The following PARD3B variants were observed in gnomAD, a reference collection of about 807,000 sequenced individuals.
PARD3B encodes partitioning defective 3 homolog B.
In PARD3B, 103 loss-of-function variants were observed where a neutral mutation model predicts 130.2. That is an observed-to-expected ratio of 0.79 (90% CI 0.67 to 0.93). The LOEUF is 0.93. Ranked by LOEUF, PARD3B falls within the 40% of genes least tolerant of loss-of-function variation. The probability of loss-of-function intolerance (pLI) is 0.00; values close to 1 mark genes in which losing one functional copy is unlikely to be tolerated. For missense variants in PARD3B, 1,609 were observed against 1,499.2 expected, an observed-to-expected ratio of 1.07 and a Z score of -1.21; for synonymous variants, 583 against 553.2, an observed-to-expected ratio of 1.05 and a Z score of -0.76.
At chr2:204,940,775 A>G (rs972067162) in intron 2 of PARD3B, among the ~76,000 whole-genome samples, 38 of 152,128 alleles carry the variant, frequency 2.5e-4, no homozygotes, top group African/African-American at 7.7e-4. Context: ...TGACATTCCA[A>G]TGACACCATC....
chr2:204,614,512 C>T (rs1484458523), intron 1 of PARD3B, among the ~76,000 whole-genome samples: 9 of 152,078 alleles, frequency 5.9e-5, no homozygotes, highest in Admixed American at 5.9e-4. Context: ...TGAGATATTA[C>T]AAAAATAGTC....
chr2:205,502,349 C>G (rs1231758534), intron 21 of PARD3B, among the ~76,000 whole-genome samples: 1 of 152,120 alleles, frequency 6.6e-6, no homozygotes. Context: ...CACCAGGGCA[C>G]TAGCTAAAAT....
intron 20 of PARD3B, among the ~76,000 whole-genome samples, chr2:205,487,854 G>A (rs1302198087): frequency 2.0e-5 from 3 of 152,172 alleles, no homozygotes; most frequent in Admixed American, 2.0e-4. Context: ...TGCAGTTCCT[G>A]CAGTTGTTGG....
intron 1 of PARD3B, among the ~76,000 whole-genome samples, chr2:204,563,247 CTCTCTCTCTCTCTCTCTCTT>C (rs2031452249): frequency 6.7e-6 from 1 of 149,184 alleles, no homozygotes; most frequent in Non-Finnish European, 1.5e-5. Context: ...CTCTCTCTCT[CTCTCTCTCTCTCTCTCTCTT>C]TCTCTCTTCT....
At chr2:204,973,250 C>T (rs1691859240) in intron 3 of PARD3B, among the ~76,000 whole-genome samples, 1 of 152,080 alleles carries the variant, frequency 6.6e-6, no homozygotes. Context: ...TTACAAAATG[C>T]CTTTAAATTA....
intron 16 of PARD3B, among the ~76,000 whole-genome samples, chr2:205,247,853 T>C (rs192432734): frequency 6.6e-6 from 1 of 152,288 alleles, no homozygotes; most frequent in African/African-American, 2.4e-5. Flanking sequence ...CAGAGCAGCA[T>C]TAGAGGAACA....
intron 18 of PARD3B, among the ~76,000 whole-genome samples, chr2:205,336,471 C>T (rs1017532207): frequency 6.6e-6 from 1 of 152,186 alleles, no homozygotes; most frequent in African/African-American, 2.4e-5. Context: ...CTCTTCATTT[C>T]TTCACTATGT....
At chr2:204,893,645 T>A (rs1373072188) in intron 2 of PARD3B, among the ~76,000 whole-genome samples, 1 of 152,288 alleles carries the variant, frequency 6.6e-6, no homozygotes, top group Non-Finnish European at 1.5e-5. Flanking sequence ...ATCCACAAAC[T>A]TGAATATATA....
rs187927056 is a variant in PARD3B, at chr2:204,603,476, G to C, written c.120+57357G>C. On this transcript the variant is annotated intron_variant, in intron 1 of 22. Transcript: ENST00000406610. ...AGAAGTAAAGTAATCCACAAAGTCA[G>C]TGGAAATTGTTTGGATCTCTGAGGA... Among the ~76,000 whole-genome samples the C allele has an allele frequency of 3.2e-3, 484 of 152,226 alleles. 5 individuals carry two copies. Among genetic ancestry groups the C allele is most frequent in the African/African-American group, 0.011 (455 of 41,542 alleles).
rs2048536704 is a variant in PARD3B at position 205,463,930 on chromosome 2, T to C, written c.3044+23258T>C. Among the ~76,000 whole-genome samples the C allele has an allele frequency of 6.6e-6, 1 of 152,192 alleles. No individual in the cohort carries two copies. The highest frequency in any genetic ancestry group is 2.4e-5 in the African/African-American group (1 of 41,438). ...AGTGTTTTATTGAAGGGATCTTCACTAAAACCTTCATCCCAGGTAACCAGG... is the reference window on the plus strand; with the variant it reads ...AGTGTTTTATTGAAGGGATCTTCACCAAAACCTTCATCCCAGGTAACCAGG... On this transcript the variant is annotated intron_variant, in intron 20 of 22. Transcript: ENST00000406610. This position sits in a 1 kb window ranked among gnomAD's most constrained non-coding sequence, Gnocchi z 4.8.
chr2:204,994,461 G>C (rs1280309268), intron 3 of PARD3B, among the ~76,000 whole-genome samples: 3 of 127,662 alleles, frequency 2.3e-5, no homozygotes, highest in Admixed American at 8.4e-5. Context: ...GTTATAATTT[G>C]TGTTCTTTTA....
At chr2:204,594,029 T>A (rs1015745196) in intron 1 of PARD3B, among the ~76,000 whole-genome samples, 1 of 152,338 alleles carries the variant, frequency 6.6e-6, no homozygotes, top group African/African-American at 2.4e-5. Context: ...ACACAGTGGT[T>A]CCATCAACAC....
chr2:205,151,463 A>G (rs1041851083), intron 10 of PARD3B, among the ~76,000 whole-genome samples: 2 of 152,198 alleles, frequency 1.3e-5, no homozygotes, highest in African/African-American at 4.8e-5. Flanking sequence ...GGGTGCATAT[A>G]TATTTAGGAT....
At chr2:204,984,467 G>C (rs965445435) in intron 3 of PARD3B, among the ~76,000 whole-genome samples, 2 of 152,170 alleles carry the variant, frequency 1.3e-5, no homozygotes, top group African/African-American at 4.8e-5. Context: ...ATTTAGGCCA[G>C]TGATAGCCAG....
intron 18 of PARD3B, among the ~76,000 whole-genome samples, chr2:205,365,195 C>T (rs1347988920): frequency 2.1e-4 from 21 of 101,834 alleles, no homozygotes; most frequent in Non-Finnish European, 1.5e-4. Context: ...AGTAAAACTC[C>T]GTGTCAAAAA....
chr2:204,554,635 G>A (rs374119523), intron 1 of PARD3B, among the ~76,000 whole-genome samples: 4 of 151,276 alleles, frequency 2.6e-5, no homozygotes, highest in African/African-American at 7.3e-5. Context: ...AGACTTTAGT[G>A]TCTCCATTTC....
intron 1 of PARD3B, among the ~76,000 whole-genome samples, chr2:204,650,259 G>A (rs111902638): frequency 6.6e-6 from 1 of 152,138 alleles, no homozygotes; most frequent in Non-Finnish European, 1.5e-5. Context: ...AGATGCTAGT[G>A]AGGTTGTGGA....
intron 20 of PARD3B, among the ~76,000 whole-genome samples, chr2:205,462,270 C>G (rs928624303): frequency 5.3e-5 from 8 of 152,172 alleles, no homozygotes; most frequent in African/African-American, 1.9e-4. Context: ...AGCCAAATTG[C>G]TAACAGGATT....
At chr2:205,401,938 T>C (rs750391742) in intron 19 of PARD3B, among the ~76,000 whole-genome samples, 1 of 152,210 alleles carries the variant, frequency 6.6e-6, no homozygotes, top group Non-Finnish European at 1.5e-5. Flanking sequence ...TTACACAACT[T>C]TTCACTTGCT....
Sources: gnomAD v4.1 joint callset for allele counts (sites outside exome capture counted in the v4.1 genomes callset) on GRCh38, gnomAD v4.1.1 for gene constraint, Gnocchi (gnomAD v3.1) non-coding constraint, MANE v1.5 for transcripts, NCBI Gene and HGNC (gene_info 2026-07-23, HGNC 2026-07-21) for gene names.